Variants in TEX2 observed in about 807,000 individuals in gnomAD.
TEX2 encodes the protein testis-expressed protein 2.
Under a neutral mutation model 106.9 loss-of-function variants are expected in TEX2, and 53 were observed. The ratio of observed to expected loss-of-function variants is 0.50; its 90% CI spans 0.40 to 0.62. The LOEUF (loss-of-function observed/expected upper bound fraction) is 0.62, where lower values mean the gene tolerates loss of function less well. Ranked by LOEUF, TEX2 falls within the 20% of genes least tolerant of loss-of-function variation. The probability of loss-of-function intolerance (pLI) is 0.00; values close to 1 mark genes in which losing one functional copy is unlikely to be tolerated. For synonymous variants in TEX2, 523 were observed against 534.8 expected, an observed-to-expected ratio of 0.98 and a Z score of 0.30; for missense variants, 1,207 against 1,379.0, an observed-to-expected ratio of 0.88 and a Z score of 1.98.
At chr17:64,259,125 T>C (rs2034242765) in intron 1 of TEX2, among the ~76,000 whole-genome samples, 1 of 152,098 alleles carries the variant, frequency 6.6e-6, no homozygotes, top group Admixed American at 6.5e-5. Flanking sequence ...CCAGTGCAAT[T>C]TTGGGTGATC....
At chr17:64,208,786 G>A (rs1555631145) in intron 2 of TEX2, among the ~76,000 whole-genome samples, 1 of 151,624 alleles carries the variant, frequency 6.6e-6, no homozygotes, top group African/African-American at 2.4e-5. Context: ...CACCATACCT[G>A]GCTAATTATT....
At chr17:64,226,629 AG>A (rs1482775250) in intron 1 of TEX2, among the ~76,000 whole-genome samples, 2 of 152,224 alleles carry the variant, frequency 1.3e-5, no homozygotes, top group Non-Finnish European at 2.9e-5. Context: ...CAAATGGCCA[AG>A]AAACAAATAA....
At position 64,243,054 on chromosome 17, in the gene TEX2, G is replaced by A. The variant is rs370864096; in HGVS notation, c.-26+20114C>T. On this transcript the variant is annotated intron_variant, in intron 1 of 11. Coordinates refer to ENST00000584379, the MANE Select transcript of TEX2 (RefSeq NM_001288732.2). The stretch of plus-strand genomic sequence containing the variant: ...AGCGATTCTTCTGCCTCCGCCTCCC[G>A]AGTAGCTGGGACTACAGGCGCACAC... Among the ~76,000 whole-genome samples the A allele has an allele frequency of 2.0e-4, 30 of 151,484 alleles. No homozygotes were observed. In the South Asian group the frequency reaches 3.3e-3, roughly 17 times the overall value.
chr17:64,160,545 G>A (rs1414291790), intron 8 of TEX2, among the ~76,000 whole-genome samples: 1 of 152,098 alleles, frequency 6.6e-6, no homozygotes, highest in East Asian at 1.9e-4. Context: ...GATGTTTTCT[G>A]GGTAATCAAT....
chr17:64,189,249 G>A (rs2032206674), intron 4 of TEX2, among the ~76,000 whole-genome samples: 1 of 152,186 alleles, frequency 6.6e-6, no homozygotes, highest in African/African-American at 2.4e-5. Context: ...CAAAATTGTA[G>A]CACAACTAAG....
At chr17:64,177,099 G>C (rs768705252) in intron 6 of TEX2, among the ~76,000 whole-genome samples, 3 of 152,134 alleles carry the variant, frequency 2.0e-5, no homozygotes, top group Non-Finnish European at 4.4e-5. Context: ...ATAACAATGA[G>C]GGCAACACAA....
At chr17:64,180,934 C>G (rs1423516699) in intron 5 of TEX2, among the ~76,000 whole-genome samples, 1 of 152,008 alleles carries the variant, frequency 6.6e-6, no homozygotes, top group African/African-American at 2.4e-5. Context: ...CCTTTTTGGC[C>G]GCACCCAGTG....
In TEX2 at chr17:64,149,024, C is replaced by G; in HGVS notation, c.3329G>C (p.Arg1110Pro). Residue 1110 changes from arginine to proline, a missense_variant, in exon 12 of 12, where the codon CGC becomes CCC. Arg to Pro is a moderately radical substitution (Grantham distance 103). Coordinates refer to ENST00000584379, the MANE Select transcript of TEX2 (RefSeq NM_001288732.2). Reference sequence around the variant, plus strand: ...GTCTTTCAGGAGGCAGGAAGTAGAGCGAGGGTCCATGGCTGAGTGCATTAT... The same window carrying G: ...GTCTTTCAGGAGGCAGGAAGTAGAGGGAGGGTCCATGGCTGAGTGCATTAT... ...ITIMHSAMDP[R>P]STSCLLKDPP... 1 of 1,614,148 alleles carries G rather than the reference C, an allele frequency of 6.2e-7. No homozygotes were observed. The highest frequency in any genetic ancestry group is 8.5e-7 in the Non-Finnish European group (1 of 1,180,012).
intron 2 of TEX2, among the ~76,000 whole-genome samples, chr17:64,198,579 G>A (rs2032553758): frequency 7.6e-6 from 1 of 131,716 alleles, no homozygotes; most frequent in African/African-American, 2.6e-5. Flanking sequence ...ATTTCACTCT[G>A]AGCACACATC....
At chr17:64,178,692 G>C (rs1208927978) in intron 5 of TEX2, among the ~76,000 whole-genome samples, 2 of 152,228 alleles carry the variant, frequency 1.3e-5, no homozygotes, top group South Asian at 2.1e-4. Context: ...TAGAAATGCA[G>C]AATCTGTGAA....
rs1028668240 is a variant in TEX2, at chr17:64,196,180, G to A, written c.1645-1085C>T. On this transcript the variant is annotated intron_variant, in intron 2 of 11. Transcript: ENST00000584379. ...TTCATTCATCCTTTTATTAAAACACGCATTGAATCTATGTGCGAAGCAATG... is the reference window on the plus strand; with the variant it reads ...TTCATTCATCCTTTTATTAAAACACACATTGAATCTATGTGCGAAGCAATG... Among the ~76,000 whole-genome samples the A allele has an allele frequency of 2.2e-4, 33 of 152,144 alleles. 1 individual carries two copies. Among genetic ancestry groups the A allele is most frequent in the Admixed American group, 1.3e-4 (2 of 15,270 alleles).
At chr17:64,262,560 C>A (rs1171948790) in intron 1 of TEX2, among the ~76,000 whole-genome samples, 2 of 152,218 alleles carry the variant, frequency 1.3e-5, no homozygotes, top group Non-Finnish European at 2.9e-5. Flanking sequence ...GGCCACACCG[C>A]CTCCCCGCAA....
rs1320717789 is a variant in TEX2, at chr17:64,153,381, A to T, written c.2931-227T>A. Among the ~76,000 whole-genome samples, 6 of 152,328 alleles carry T rather than the reference A, an allele frequency of 3.9e-5. No homozygotes were observed. The East Asian group carries it at 9.7e-4, about 25-fold the overall frequency. On this transcript the variant is annotated intron_variant, in intron 9 of 11. Transcript: ENST00000584379. The surrounding 1 kb of genome is among the most constrained non-coding windows in gnomAD (Gnocchi z 4.1). ...ACTCCCCCTAGTTATGACAATAAAA[A>T]ATGTTGCCAGACATCGGCAAATGTC... is the stretch of plus-strand genomic sequence containing the variant.
rs2032398207 is a variant in TEX2 at position 64,194,405 on chromosome 17, T to A, written c.1845+490A>T. 2.6e-5 allele frequency among the ~76,000 whole-genome samples: 4 copies of A among 152,224 alleles called. 1 individual carries two copies. The South Asian group carries it at 8.3e-4, about 32-fold the overall frequency. The stretch of plus-strand genomic sequence containing the variant: ...CTGTAAGAACAGAGAAACAATAGCT[T>A]TGTGGAATACATAATTTACATTTCT... On this transcript the variant is annotated intron_variant, in intron 3 of 11. Coordinates refer to ENST00000584379, the MANE Select transcript of TEX2 (RefSeq NM_001288732.2).
chr17:64,170,413 G>A (rs1230748455), intron 7 of TEX2, among the ~76,000 whole-genome samples: 1 of 152,148 alleles, frequency 6.6e-6, no homozygotes, highest in African/African-American at 2.4e-5. Context: ...CTGGCAAGCG[G>A]CTAGGGCTGG....
chr17:64,237,961 TAA>T, intron 1 of TEX2, among the ~76,000 whole-genome samples: 1 of 152,304 alleles, frequency 6.6e-6, no homozygotes, highest in African/African-American at 2.4e-5. Context: ...TCATCACTGT[TAA>T]AAGTCACGAA....
chr17:64,180,325 G>A (rs770115790), intron 5 of TEX2, among the ~76,000 whole-genome samples: 23 of 152,170 alleles, frequency 1.5e-4, no homozygotes, highest in Non-Finnish European at 2.9e-4. Flanking sequence ...AAAATAGCAA[G>A]AAACAAAGGC....
intron 7 of TEX2, 86 bp downstream of exon 7, chr17:64,171,010 CAACA>C (rs1381313427): frequency 1.1e-5 from 11 of 1,041,082 alleles, no homozygotes; most frequent in Admixed American, 9.8e-5. Context: ...AAAAAGTCCT[CAACA>C]CCCTCCAAAC....
intron 1 of TEX2, among the ~76,000 whole-genome samples, chr17:64,240,233 A>ATGTGTGTGTGTGTGTGTGTG (rs67965706): frequency 2.0e-5 from 3 of 147,416 alleles, no homozygotes; most frequent in African/African-American, 7.5e-5. Context: ...GTATATGCAG[A>ATGTGTGTGTGTGTGTGTGTG]TGTGTGTGTG....
Sources: allele counts gnomAD v4.1 joint callset (sites outside exome capture counted in the v4.1 genomes callset), GRCh38; gene constraint gnomAD v4.1.1; non-coding constraint Gnocchi (gnomAD v3.1); transcripts MANE v1.5; gene names NCBI Gene and HGNC (gene_info 2026-07-23, HGNC 2026-07-21).